Variants in DDAH1 observed in about 807,000 individuals in gnomAD.
The protein encoded by DDAH1 is dimethylarginine dimethylaminohydrolase 1.
In DDAH1, 19 loss-of-function variants were observed where a neutral mutation model predicts 28.8. The ratio of observed to expected loss-of-function variants is 0.66; its 90% CI spans 0.46 to 0.97. The LOEUF (loss-of-function observed/expected upper bound fraction) is 0.97. DDAH1 is among the 50% of genes least tolerant of loss of function. DDAH1 has a pLI of 0.00. For missense variants in DDAH1, 326 were observed against 375.9 expected (o/e 0.87, Z 1.10); for synonymous variants, 153 against 154.4 (o/e 0.99, Z 0.07).
At chr1:85,435,823 C>T (rs1653907933) in intron 1 of DDAH1, among the ~76,000 whole-genome samples, 1 of 152,170 alleles carries the variant, frequency 6.6e-6, no homozygotes, top group South Asian at 2.1e-4. Context: ...CTTTCTCTCT[C>T]TCTGTTGCCC....
At chr1:85,510,720 C>T (rs1257044844) in intron 1 of DDAH1, among the ~76,000 whole-genome samples, 1 of 152,142 alleles carries the variant, frequency 6.6e-6, no homozygotes, top group Non-Finnish European at 1.5e-5. Context: ...ATAAAACAGA[C>T]TTTAAACCAA....
intron 1 of DDAH1, among the ~76,000 whole-genome samples, chr1:85,511,544 A>G (rs1570625180): frequency 1.3e-5 from 2 of 152,222 alleles, no homozygotes; most frequent in Admixed American, 6.5e-5. Context: ...CCCTTCAAAA[A>G]ATCAATGAAT....
At chr1:85,484,356 G>A (rs1262050763) in intron 2 of DDAH1, among the ~76,000 whole-genome samples, 2 of 151,632 alleles carry the variant, frequency 1.3e-5, no homozygotes, top group Non-Finnish European at 2.9e-5. Flanking sequence ...AGCTCATATC[G>A]CATACCACTG....
rs529952370 is a variant in DDAH1, at chr1:85,509,768, T to G, written c.-122-13487A>C. Among the ~76,000 whole-genome samples, 177 of 152,064 alleles carry G rather than the reference T, an allele frequency of 1.2e-3. 2 individuals carry two copies. The highest frequency in any genetic ancestry group is 6.0e-4 in the Non-Finnish European group (41 of 67,982). The stretch of plus-strand genomic sequence containing the variant: ...TTGCAAATCAAATTAATGAAATCAA[T>G]TGAGACGACAAGGTTAGAGAAAAAA... On this transcript the variant is annotated intron_variant, in intron 1 of 6. Transcript: ENST00000426972.
At chr1:85,364,236 T>C (rs991208782) in intron 1 of DDAH1, among the ~76,000 whole-genome samples, 4 of 152,142 alleles carry the variant, frequency 2.6e-5, no homozygotes, top group Admixed American at 1.3e-4. Context: ...CACATCAGAA[T>C]TGGAGCCCAT....
rs557795420 is a variant in DDAH1, at chr1:85,440,483, T to C, written c.303+24260A>G. Reference sequence around the variant, plus strand: ...GGTGAGTAGCCGGGAAAGACTGTTATATGGGTCTATGAATTATCTTCTGAG... The same window carrying C: ...GGTGAGTAGCCGGGAAAGACTGTTACATGGGTCTATGAATTATCTTCTGAG... On this transcript the variant is annotated intron_variant, in intron 1 of 5. Coordinates refer to ENST00000284031, the MANE Select transcript of DDAH1 (RefSeq NM_012137.4). Among the ~76,000 whole-genome samples the C allele has an allele frequency of 3.3e-5, 5 of 152,356 alleles. No homozygotes were observed. The South Asian group carries it at 8.3e-4, about 25-fold the overall frequency.
intron 2 of DDAH1, 59 bp from the exon 3 acceptor site, chr1:85,351,638 C>G: frequency 8.0e-7 from 1 of 1,253,532 alleles, no homozygotes; most frequent in Non-Finnish European, 1.2e-6. Context: ...TACATCATTT[C>G]TTTTATCTAT....
chr1:85,376,612 G>A (rs575923528), intron 1 of DDAH1, among the ~76,000 whole-genome samples: 1 of 151,208 alleles, frequency 6.6e-6, no homozygotes, highest in African/African-American at 2.4e-5. Flanking sequence ...AGCTGTCTGT[G>A]TATCCAGAAT....
intron 1 of DDAH1, among the ~76,000 whole-genome samples, chr1:85,365,793 G>A (rs529626495): frequency 1.1e-4 from 16 of 152,182 alleles, no homozygotes; most frequent in Non-Finnish European, 1.8e-4. Context: ...GTGTGAGTAG[G>A]ACCTGTAAAT....
At chr1:85,431,419 A>G (rs947748370) in intron 1 of DDAH1, among the ~76,000 whole-genome samples, 2 of 152,132 alleles carry the variant, frequency 1.3e-5, no homozygotes, top group African/African-American at 2.4e-5. Flanking sequence ...CAAACACTTC[A>G]CCTTCTTTGT....
chr1:85,569,555 T>C (rs761459524), intron 1 of DDAH1, among the ~76,000 whole-genome samples: 4 of 152,242 alleles, frequency 2.6e-5, no homozygotes, highest in Non-Finnish European at 5.9e-5. Flanking sequence ...TCTCACTTTC[T>C]GTCACTTTAG....
intron 1 of DDAH1, among the ~76,000 whole-genome samples, chr1:85,381,930 C>T (rs1255138601): frequency 6.6e-6 from 1 of 152,144 alleles, no homozygotes; most frequent in Admixed American, 6.5e-5. Context: ...TGGTTTGTTT[C>T]CGTCACTCCC....
At chr1:85,472,310 A>C (rs1655644379) in intron 2 of DDAH1, among the ~76,000 whole-genome samples, 1 of 152,198 alleles carries the variant, frequency 6.6e-6, no homozygotes, top group Non-Finnish European at 1.5e-5. Flanking sequence ...GCATTAGATC[A>C]TACCTTTTTG....
intron 1 of DDAH1, chr1:85,521,678 C>T (rs1458610503): frequency 1.0e-6 from 1 of 984,500 alleles, no homozygotes; most frequent in African/African-American, 1.7e-5. Flanking sequence ...CTGGCAAATT[C>T]CTTCTCCTCC....
intron 1 of DDAH1, among the ~76,000 whole-genome samples, chr1:85,402,020 A>G (rs997181997): frequency 6.6e-6 from 1 of 151,886 alleles, no homozygotes; most frequent in Non-Finnish European, 1.5e-5. Context: ...GGGTCTTGCT[A>G]TGTCACCCAG....
At chr1:85,503,322 A>G (rs898599165) in intron 1 of DDAH1, among the ~76,000 whole-genome samples, 6 of 152,140 alleles carry the variant, frequency 3.9e-5, no homozygotes, top group African/African-American at 1.4e-4. Context: ...CTCCTGCCTC[A>G]GCTTCCTGAG....
At chr1:85,503,440 A>G (rs998185343) in intron 1 of DDAH1, among the ~76,000 whole-genome samples, 1 of 152,164 alleles carries the variant, frequency 6.6e-6, no homozygotes, top group Admixed American at 6.5e-5. Flanking sequence ...ACCTCAGGTG[A>G]TCCACCCACC....
Position 85,514,053 on chromosome 1 carries a change from C to G in DDAH1, c.-122-17772G>C, listed in dbSNP as rs546713892. 2.6e-5 allele frequency among the ~76,000 whole-genome samples: 4 copies of G among 152,256 alleles called. No homozygotes were observed. The East Asian group carries it at 7.7e-4, about 29-fold the overall frequency. Reference sequence around the variant, plus strand: ...ATGCTACTATAAAGACACATGCACACGTATGTTTATCGTGGCACTATTCAC... The same window carrying G: ...ATGCTACTATAAAGACACATGCACAGGTATGTTTATCGTGGCACTATTCAC... On this transcript the variant is annotated intron_variant, in intron 1 of 6. Coordinates refer to the DDAH1 transcript ENST00000426972.
At chr1:85,386,833 G>A (rs1194885556) in intron 1 of DDAH1, among the ~76,000 whole-genome samples, 1 of 152,168 alleles carries the variant, frequency 6.6e-6, no homozygotes, top group African/African-American at 2.4e-5. Flanking sequence ...CTGAAATCTA[G>A]GTGGAAGCTG....
Sources: allele counts gnomAD v4.1 joint callset (sites outside exome capture counted in the v4.1 genomes callset), GRCh38; gene constraint gnomAD v4.1.1; transcripts MANE v1.5; gene names NCBI Gene and HGNC (gene_info 2026-07-23, HGNC 2026-07-21).